The following LEPR variants were observed in gnomAD, a reference collection of about 807,000 sequenced individuals.
LEPR encodes the protein OB receptor.
LEPR carries 56 observed loss-of-function variants against 114.7 expected under a neutral mutation model. The observed-to-expected ratio is 0.49, with a 90% confidence interval of 0.39 to 0.61. LEPR has a LOEUF of 0.61. Among genes scored for constraint, LEPR ranks in the 20% least tolerant of loss-of-function variants. The pLI is 0.00. For missense variants in LEPR, 1,202 were observed against 1,352.9 expected, an observed-to-expected ratio of 0.89 and a Z score of 1.75; for synonymous variants, 443 against 461.4, an observed-to-expected ratio of 0.96 and a Z score of 0.51.
At chr1:65,549,447 C>T (rs982919589) in intron 2 of LEPR, among the ~76,000 whole-genome samples, 1 of 152,208 alleles carries the variant, frequency 6.6e-6, no homozygotes, top group South Asian at 2.1e-4. Flanking sequence ...CTTTCAGGTA[C>T]ACCAATCAGA....
intron 2 of LEPR, among the ~76,000 whole-genome samples, chr1:65,447,316 T>C (rs1646725864): frequency 2.0e-5 from 3 of 152,034 alleles, no homozygotes; most frequent in Admixed American, 2.0e-4. Flanking sequence ...TTTCCTTCCT[T>C]CCTTGTATAT....
At chr1:65,548,058 G>A (rs1464395290) in intron 2 of LEPR, among the ~76,000 whole-genome samples, 5 of 151,626 alleles carry the variant, frequency 3.3e-5, no homozygotes, top group East Asian at 1.9e-4. Context: ...CCTTCATTTC[G>A]TTATGTACCC....
At chr1:65,557,965 T>G (rs1298258853) in intron 2 of LEPR, among the ~76,000 whole-genome samples, 1 of 152,206 alleles carries the variant, frequency 6.6e-6, no homozygotes. Flanking sequence ...AAGAAGTGGT[T>G]GTTTTATGTA....
At chr1:65,446,400 A>G (rs1480299892) in intron 2 of LEPR, among the ~76,000 whole-genome samples, 2 of 152,214 alleles carry the variant, frequency 1.3e-5, no homozygotes, top group African/African-American at 2.4e-5. Flanking sequence ...ATGCTAATAC[A>G]TTATAATTAG....
chr1:65,498,573 A>G (rs1224867262), intron 2 of LEPR, among the ~76,000 whole-genome samples: 1 of 152,176 alleles, frequency 6.6e-6, no homozygotes, highest in Admixed American at 6.6e-5. Flanking sequence ...GAGGAATGGA[A>G]AAAATAGACT....
rs887422402 is a variant in LEPR at position 65,499,386 on chromosome 1, T to G, written c.-20-66160T>G. Among the ~76,000 whole-genome samples, 68 of 152,116 alleles carry G rather than the reference T, an allele frequency of 4.5e-4. 1 individual carries two copies. Among genetic ancestry groups the G allele is most frequent in the Non-Finnish European group, 7.9e-4 (54 of 68,012 alleles). On this transcript the variant is annotated intron_variant, in intron 2 of 19. Transcript: ENST00000349533. The stretch of plus-strand genomic sequence containing the variant: ...GTAAAGCCTCATTTAATATGTTTTC[T>G]GAATAATCCAAAATTTTCAACATGA...
chr1:65,636,112 C>G, intron 19 of LEPR, 79 bp from the exon 20 acceptor site: 2 of 1,492,306 alleles, frequency 1.3e-6, no homozygotes, highest in East Asian at 4.5e-5. Flanking sequence ...ACTTAACACA[C>G]TTCCATTTCT....
At chr1:65,543,295 C>A (rs1651380840) in intron 2 of LEPR, among the ~76,000 whole-genome samples, 1 of 151,748 alleles carries the variant, frequency 6.6e-6, no homozygotes, top group African/African-American at 2.4e-5. Context: ...CCTTTGCCCA[C>A]CTTTTGATGG....
intron 2 of LEPR, among the ~76,000 whole-genome samples, chr1:65,532,906 A>T (rs1472802485): frequency 6.6e-6 from 1 of 152,208 alleles, no homozygotes; most frequent in Non-Finnish European, 1.5e-5. Flanking sequence ...GACAGTGGTG[A>T]TGATTGCTCT....
intron 2 of LEPR, among the ~76,000 whole-genome samples, chr1:65,452,044 T>C (rs577641993): frequency 4.6e-5 from 7 of 151,766 alleles, no homozygotes; most frequent in African/African-American, 1.7e-4. Context: ...GAAGCAATTG[T>C]GAATGGGAGT....
intron 2 of LEPR, chr1:65,435,877 T>C (rs991976512): frequency 5.1e-6 from 5 of 983,958 alleles, no homozygotes; most frequent in Non-Finnish European, 6.0e-6. Context: ...AAAATCCCAC[T>C]GAGTAATAGC....
intron 4 of LEPR, 103 bp downstream of exon 4, chr1:65,570,905 C>G: frequency 1.0e-6 from 1 of 966,498 alleles, no homozygotes; most frequent in Non-Finnish European, 1.4e-6. Flanking sequence ...CATACATAAT[C>G]ATTTTTATAT....
chr1:65,606,736 A>G (rs567539565), intron 11 of LEPR, among the ~76,000 whole-genome samples: 1 of 152,312 alleles, frequency 6.6e-6, no homozygotes, highest in Admixed American at 6.5e-5. Flanking sequence ...TTGAATATTG[A>G]TACTTCCTTT....
At chr1:65,528,171 AAAAAG>A (rs1189805269) in intron 2 of LEPR, among the ~76,000 whole-genome samples, 1 of 152,202 alleles carries the variant, frequency 6.6e-6, no homozygotes, top group Non-Finnish European at 1.5e-5. Context: ...GAAAAAAAAA[AAAAAG>A]AACTCTCTTG....
intron 5 of LEPR, among the ~76,000 whole-genome samples, chr1:65,587,734 G>A (rs575305975): frequency 4.6e-4 from 70 of 152,028 alleles, no homozygotes; most frequent in South Asian, 1.2e-3. Context: ...TTGTTTCAGG[G>A]TTGATTTTTT....
chr1:65,634,009 C>T, intron 19 of LEPR: 1 of 985,316 alleles, frequency 1.0e-6, no homozygotes. Flanking sequence ...AGACCTCTGG[C>T]AGGCAGGGAA....
rs566774519 is a variant in LEPR at position 65,446,408 on chromosome 1, T to A, written c.-21+21030T>A. Among the ~76,000 whole-genome samples, 9 of 152,290 alleles carry A rather than the reference T, an allele frequency of 5.9e-5. No homozygotes were observed. The Middle Eastern group carries it at 0.01, about 173-fold the overall frequency. On this transcript the variant is annotated intron_variant, in intron 2 of 19. Transcript: ENST00000349533. Reference sequence around the variant, plus strand: ...TTTTGGTATGCTAATACATTATAATTAGTGTATAATGAGCAATGATATCGA... The same window carrying A: ...TTTTGGTATGCTAATACATTATAATAAGTGTATAATGAGCAATGATATCGA...
At chr1:65,596,614 A>G (rs201137196) in intron 7 of LEPR, 21 bp downstream of exon 7, 17 of 1,607,460 alleles carry the variant, frequency 1.1e-5, no homozygotes, top group Non-Finnish European at 1.4e-5. Flanking sequence ...TTTAGTAAGT[A>G]AAAGGAAAAG....
At chr1:65,490,450 G>C (rs906151797) in intron 2 of LEPR, among the ~76,000 whole-genome samples, 4 of 151,896 alleles carry the variant, frequency 2.6e-5, no homozygotes, top group African/African-American at 7.2e-5. Context: ...TACATACCAG[G>C]CTTCTTTTCC....
Sources: allele counts gnomAD v4.1 joint callset (sites outside exome capture counted in the v4.1 genomes callset), GRCh38; gene constraint gnomAD v4.1.1; transcripts MANE v1.5; gene names NCBI Gene and HGNC (gene_info 2026-07-23, HGNC 2026-07-21).